CSRP3: variants seen among roughly 807,000 people sequenced by gnomAD.
CSRP3 encodes the protein cysteine and glycine-rich protein 3.
CSRP3 carries 24 observed loss-of-function variants against 24.3 expected under a neutral mutation model. The observed-to-expected ratio is 0.99, with a 90% confidence interval of 0.71 to 1.39. CSRP3 has a LOEUF of 1.39. Ranked by LOEUF, CSRP3 falls within the 40% of genes most tolerant of loss-of-function variation. The probability of loss-of-function intolerance (pLI) is 0.00; values close to 1 mark genes in which losing one functional copy is unlikely to be tolerated. For synonymous variants in CSRP3, 105 were observed against 94.0 expected, an observed-to-expected ratio of 1.12 and a Z score of -0.68; for missense variants, 240 against 249.0, an observed-to-expected ratio of 0.96 and a Z score of 0.24.
At chr11:19,194,749 G>A (rs1008543986) in intron 1 of CSRP3, among the ~76,000 whole-genome samples, 1 of 152,028 alleles carries the variant, frequency 6.6e-6, no homozygotes, top group African/African-American at 2.4e-5. Context: ...TGTAGTTCGG[G>A]TTGTTTAGGA....
chr11:19,193,313 A>G (rs1030312327), intron 1 of CSRP3, among the ~76,000 whole-genome samples: 1 of 152,090 alleles, frequency 6.6e-6, no homozygotes, highest in African/African-American at 2.4e-5. Context: ...CCTTTAGAAA[A>G]TCAAACGACA....
At chr11:19,186,142 A>G (rs1473985340) in intron 4 of CSRP3, 74 bp downstream of exon 4, 5 of 1,603,738 alleles carry the variant, frequency 3.1e-6, no homozygotes, top group Admixed American at 1.7e-5. Context: ...GCAGCTCCCA[A>G]TTTTTCTCTC....
chr11:19,189,643 G>A (rs1012561534), intron 2 of CSRP3, among the ~76,000 whole-genome samples: 3 of 152,208 alleles, frequency 2.0e-5, no homozygotes, highest in African/African-American at 7.2e-5. Context: ...GGAGGAAGAA[G>A]ATAAGGTTGT....
At chr11:19,190,181 C>T (rs1423352305) in intron 2 of CSRP3, among the ~76,000 whole-genome samples, 2 of 152,250 alleles carry the variant, frequency 1.3e-5, no homozygotes, top group Non-Finnish European at 2.9e-5. Flanking sequence ...CGGCTTACCT[C>T]AGCTCTTTTG....
In CSRP3 at chr11:19,188,664, G is replaced by A. The variant is rs572739650; in HGVS notation, c.113-360C>T. ...TGTGTGTGTGTGTTTGTGGGCGCGC[G>A]CGTTGGCAGGGGGTGGGTTAAGGCA... On this transcript the variant is annotated intron_variant, in intron 2 of 5. Coordinates refer to ENST00000265968, the MANE Select transcript of CSRP3 (RefSeq NM_003476.5). 9.2e-5 allele frequency among the ~76,000 whole-genome samples: 14 copies of A among 151,764 alleles called. No individual in the cohort carries two copies. In the East Asian group the frequency reaches 1.9e-3, roughly 21 times the overall value.
chr11:19,184,906 C>G (rs767100786), intron 5 of CSRP3, 46 bp downstream of exon 5: 9 of 1,395,372 alleles, frequency 6.4e-6, no homozygotes, highest in Non-Finnish European at 9.2e-6. Flanking sequence ...TCCCAAGGGC[C>G]CTTTTAGGGA....
chr11:19,190,246 G>T (rs1346764190), intron 2 of CSRP3, among the ~76,000 whole-genome samples: 2 of 152,206 alleles, frequency 1.3e-5, no homozygotes, highest in Non-Finnish European at 2.9e-5. Flanking sequence ...ACCCTAAGGT[G>T]CCCTGGCCAA....
intron 2 of CSRP3, among the ~76,000 whole-genome samples, chr11:19,190,797 G>A (rs1850601163): frequency 6.6e-6 from 1 of 152,098 alleles, no homozygotes. Flanking sequence ...TCCTCTCTGG[G>A]GCTCTTCTAC....
At position 19,188,188 on chromosome 11, in the gene CSRP3, C is replaced by A. The variant is rs746207; in HGVS notation, c.229G>T (p.Ala77Ser). 7 of 1,614,042 alleles carry A rather than the reference C, an allele frequency of 4.3e-6. No individual in the cohort carries two copies. In the Admixed American group the frequency reaches 1.2e-4, roughly 27 times the overall value. The change falls in exon 3 of 6, where the codon GCT (alanine) becomes TCT (serine). Residue 77 changes from alanine to serine, a missense_variant. Ala to Ser is a moderately conservative substitution (Grantham distance 99, BLOSUM62 1). Coordinates refer to ENST00000265968, the MANE Select transcript of CSRP3 (RefSeq NM_003476.5). Reference sequence around the variant, plus strand: ...CCCGTGTCTGTGCTGAGACAGCCAGCGCCTTGTCCATACCCGATCCCTTTG... The same window carrying A: ...CCCGTGTCTGTGCTGAGACAGCCAGAGCCTTGTCCATACCCGATCCCTTTG... ...GPKGIGYGQGAGCLSTDTGEH... is the reference protein window; with the variant it reads ...GPKGIGYGQGSGCLSTDTGEH...
At chr11:19,185,402 G>A (rs1590102996) in intron 4 of CSRP3, among the ~76,000 whole-genome samples, 1 of 151,946 alleles carries the variant, frequency 6.6e-6, no homozygotes, top group East Asian at 1.9e-4. Context: ...GTTACAGAAG[G>A]AAAAAAAATA....
At chr11:19,185,102 A>G (rs991326061) in intron 4 of CSRP3, 57 bp from the exon 5 acceptor site, 8 of 1,300,136 alleles carry the variant, frequency 6.2e-6, no homozygotes, top group Admixed American at 1.7e-5. Flanking sequence ...TTCTGTTTCC[A>G]TTTCAAGTCC....
intron 1 of CSRP3, among the ~76,000 whole-genome samples, chr11:19,197,516 T>G (rs144769994): frequency 6.8e-5 from 7 of 102,994 alleles, no homozygotes; most frequent in African/African-American, 3.1e-4. Flanking sequence ...TCTTTCTTTC[T>G]TTCTTTCTTT....
intron 1 of CSRP3, among the ~76,000 whole-genome samples, chr11:19,193,853 T>C (rs1449265472): frequency 6.6e-6 from 1 of 152,228 alleles, no homozygotes; most frequent in African/African-American, 2.4e-5. Flanking sequence ...GTAATAATAA[T>C]TGTCCTCATC....
intron 1 of CSRP3, among the ~76,000 whole-genome samples, chr11:19,197,952 G>A (rs1346118): frequency 0.78 from 118,611 of 151,980 alleles, 46,516 homozygotes; most frequent in Non-Finnish European, 0.82. Context: ...CAAGGTAGGT[G>A]CTATTATAAC....
chr11:19,197,388 CCCTTCCTTCCTTCCTTCCTTCCTTCCTT>C (rs869090928), intron 1 of CSRP3, among the ~76,000 whole-genome samples: 2 of 10,858 alleles, frequency 1.8e-4, no homozygotes, highest in African/African-American at 6.0e-4. Context: ...CTCCCTCCCT[CCCTTCCTTCCTTCCTTCCTTCCTTCCTT>C]CCTTCCTTCC....
chr11:19,197,563 CTTT>C (rs1850759843), intron 1 of CSRP3, among the ~76,000 whole-genome samples: 1 of 124,800 alleles, frequency 8.0e-6, no homozygotes, highest in African/African-American at 3.3e-5. Flanking sequence ...TTCTTTCTTT[CTTT>C]CTTTCTTTCT....
chr11:19,198,875 T>A (rs1850787754), intron 1 of CSRP3, among the ~76,000 whole-genome samples: 2 of 152,190 alleles, frequency 1.3e-5, no homozygotes, highest in South Asian at 4.1e-4. Context: ...TGTTTTCAGG[T>A]TAAAGAAGAT....
intron 1 of CSRP3, among the ~76,000 whole-genome samples, chr11:19,194,406 G>T (rs987558925): frequency 2.6e-5 from 4 of 152,194 alleles, no homozygotes; most frequent in African/African-American, 9.7e-5. Context: ...GGCTGGGCAT[G>T]GTGGCTCACA....
At chr11:19,192,257 A>T in intron 2 of CSRP3, 80 bp downstream of exon 2, 1 of 944,006 alleles carries the variant, frequency 1.1e-6, no homozygotes, top group Non-Finnish European at 1.7e-6. Context: ...AACCACTGGC[A>T]TACAGTGTTT....
Sources: allele counts gnomAD v4.1 joint callset (sites outside exome capture counted in the v4.1 genomes callset), GRCh38; gene constraint gnomAD v4.1.1; transcripts MANE v1.5; gene names NCBI Gene and HGNC (gene_info 2026-07-23, HGNC 2026-07-21).